Variants in TMEM132B observed in about 807,000 individuals in gnomAD.
TMEM132B encodes the protein transmembrane protein 132B.
TMEM132B carries 18 observed loss-of-function variants against 90.8 expected under a neutral mutation model. That is an observed-to-expected ratio of 0.20 (90% CI 0.14 to 0.29). The LOEUF (loss-of-function observed/expected upper bound fraction) is 0.29. TMEM132B is among the 10% of genes least tolerant of loss of function. TMEM132B has a pLI of 1.00. For missense variants in TMEM132B, 1,096 were observed against 1,326.8 expected (o/e 0.83, Z 2.70); for synonymous variants, 504 against 523.3 (o/e 0.96, Z 0.50).
At chr12:125,238,122 T>G (rs1207164170) in intron 1 of TMEM132B, among the ~76,000 whole-genome samples, 1 of 152,160 alleles carries the variant, frequency 6.6e-6, no homozygotes, top group Non-Finnish European at 1.5e-5. Flanking sequence ...CCTCTCTTTT[T>G]TTTCTAAAGG....
intron 1 of TMEM132B, among the ~76,000 whole-genome samples, chr12:125,203,979 C>T (rs1482787090): frequency 1.3e-5 from 2 of 152,212 alleles, no homozygotes; most frequent in Non-Finnish European, 2.9e-5. Context: ...GTATAGAGAA[C>T]CTTAAAGGAA....
chr12:125,491,070 ATGACAGCT>A (rs1250109097), intron 3 of TMEM132B, among the ~76,000 whole-genome samples: 1 of 152,086 alleles, frequency 6.6e-6, no homozygotes, highest in Non-Finnish European at 1.5e-5. Context: ...GCAGCCCTGG[ATGACAGCT>A]TGACTGCAAC....
chr12:125,244,167 C>T (rs747679627), intron 1 of TMEM132B, among the ~76,000 whole-genome samples: 8 of 152,138 alleles, frequency 5.3e-5, no homozygotes, highest in African/African-American at 1.4e-4. Flanking sequence ...GGTTGATAGA[C>T]GTGGGTTGTT....
intron 4 of TMEM132B, among the ~76,000 whole-genome samples, chr12:125,536,032 G>T (rs1010147880): frequency 5.3e-5 from 8 of 152,198 alleles, no homozygotes; most frequent in Non-Finnish European, 1.2e-4. Flanking sequence ...GATTGCTTCT[G>T]CAGGGAGGTG....
chr12:125,505,696 C>G (rs916454653), intron 3 of TMEM132B, among the ~76,000 whole-genome samples: 1 of 143,888 alleles, frequency 6.9e-6, no homozygotes, highest in Non-Finnish European at 1.5e-5. Flanking sequence ...GAAACCCCGT[C>G]TCAGAAAAAA....
At chr12:125,425,665 C>T (rs1281420194) in intron 3 of TMEM132B, among the ~76,000 whole-genome samples, 1 of 152,174 alleles carries the variant, frequency 6.6e-6, no homozygotes, top group Non-Finnish European at 1.5e-5. Flanking sequence ...CATAGTTTTG[C>T]CTTTTCCAGA....
intron 1 of TMEM132B, among the ~76,000 whole-genome samples, chr12:125,347,206 G>C (rs999269415): frequency 3.3e-5 from 5 of 152,158 alleles, no homozygotes; most frequent in Admixed American, 1.3e-4. Flanking sequence ...TTCCTTGGGG[G>C]CAGAATTCAT....
At chr12:125,254,616 C>A (rs774036931) in intron 1 of TMEM132B, among the ~76,000 whole-genome samples, 6 of 151,506 alleles carry the variant, frequency 4.0e-5, no homozygotes, top group African/African-American at 7.3e-5. Context: ...GATGGAATTG[C>A]GTATTTGTTT....
At chr12:125,499,179 G>A (rs1170021433) in intron 3 of TMEM132B, among the ~76,000 whole-genome samples, 1 of 152,180 alleles carries the variant, frequency 6.6e-6, no homozygotes, top group African/African-American at 2.4e-5. Context: ...ATTTGATCTT[G>A]TATCTCTAGA....
At chr12:125,550,777 T>A (rs1277011884) in intron 4 of TMEM132B, among the ~76,000 whole-genome samples, 1 of 151,860 alleles carries the variant, frequency 6.6e-6, no homozygotes, top group African/African-American at 2.4e-5. Context: ...GGGAAGCTAG[T>A]TTATTTATTT....
intron 5 of TMEM132B, among the ~76,000 whole-genome samples, chr12:125,643,546 G>A (rs1162996756): frequency 1.3e-5 from 2 of 152,050 alleles, no homozygotes; most frequent in African/African-American, 4.8e-5. Flanking sequence ...AGCTGAATGG[G>A]GCAAAAATAA....
chr12:125,281,607 G>A (rs888135783), intron 1 of TMEM132B, among the ~76,000 whole-genome samples: 1 of 152,144 alleles, frequency 6.6e-6, no homozygotes, highest in African/African-American at 2.4e-5. Flanking sequence ...GTAATATTGG[G>A]CACACAGAAG....
intron 5 of TMEM132B, among the ~76,000 whole-genome samples, chr12:125,638,101 T>A (rs540489391): frequency 1.3e-5 from 2 of 152,334 alleles, no homozygotes; most frequent in South Asian, 4.1e-4. Flanking sequence ...ATGTTGTCCT[T>A]GCCTGGGCTG....
chr12:125,256,598 T>C (rs563803360), intron 1 of TMEM132B, among the ~76,000 whole-genome samples: 1 of 152,374 alleles, frequency 6.6e-6, no homozygotes, highest in African/African-American at 2.4e-5. Flanking sequence ...GCCTGAAATA[T>C]TCGCCATCTG....
intron 2 of TMEM132B, among the ~76,000 whole-genome samples, chr12:125,357,322 T>C (rs549071944): frequency 1.4e-4 from 22 of 152,366 alleles, no homozygotes; most frequent in Middle Eastern, 3.4e-3. Context: ...CAGTGTATCC[T>C]AAACTTGAGT....
intron 1 of TMEM132B, among the ~76,000 whole-genome samples, chr12:125,327,808 T>C (rs1055276665): frequency 6.6e-6 from 1 of 152,014 alleles, no homozygotes; most frequent in African/African-American, 2.4e-5. Flanking sequence ...AAAAAAAAAA[T>C]CTGTGGCTGG....
chr12:125,551,722 C>A (rs1884234666), intron 4 of TMEM132B, among the ~76,000 whole-genome samples: 1 of 151,906 alleles, frequency 6.6e-6, no homozygotes, highest in Admixed American at 6.6e-5. Context: ...GAACAACAGT[C>A]TTTTATTCTC....
At chr12:125,398,219 C>T (rs575132977) in intron 2 of TMEM132B, among the ~76,000 whole-genome samples, 5 of 152,242 alleles carry the variant, frequency 3.3e-5, no homozygotes, top group African/African-American at 1.2e-4. Flanking sequence ...AACCCTAATC[C>T]TCTAAATGCT....
chr12:125,413,690 C>T (rs1196498674), intron 2 of TMEM132B, among the ~76,000 whole-genome samples: 2 of 152,246 alleles, frequency 1.3e-5, no homozygotes, highest in African/African-American at 4.8e-5. Flanking sequence ...CTTTTTATGG[C>T]TGAATAATAT....
Sources: gnomAD v4.1 joint callset for allele counts (sites outside exome capture counted in the v4.1 genomes callset) on GRCh38, gnomAD v4.1.1 for gene constraint, MANE v1.5 for transcripts, NCBI Gene and HGNC (gene_info 2026-07-23, HGNC 2026-07-21) for gene names.